Variants in ADGRB3 observed in about 807,000 individuals in gnomAD.
ADGRB3 encodes brain-specific angiogenesis inhibitor 3.
In ADGRB3, 37 loss-of-function variants were observed where a neutral mutation model predicts 193.4. That is an observed-to-expected ratio of 0.19 (90% confidence interval 0.15 to 0.25). The LOEUF (loss-of-function observed/expected upper bound fraction) is 0.25. Among genes scored for constraint, ADGRB3 ranks in the 10% least tolerant of loss-of-function variants. The probability of loss-of-function intolerance (pLI) is 1.00; values close to 1 mark genes in which losing one functional copy is unlikely to be tolerated. For missense variants in ADGRB3, 1,637 were observed against 1,852.9 expected, an observed-to-expected ratio of 0.88 and a Z score of 2.14; for synonymous variants, 690 against 644.2, an observed-to-expected ratio of 1.07 and a Z score of -1.08.
chr6:69,260,703 C>G (rs1208669473), intron 20 of ADGRB3, among the ~76,000 whole-genome samples: 1 of 152,118 alleles, frequency 6.6e-6, no homozygotes, highest in Admixed American at 6.5e-5. Context: ...CCATATAGCT[C>G]TACGATTCCA....
chr6:69,049,433 G>A, intron 15 of ADGRB3, 87 bp downstream of exon 15: 2 of 990,766 alleles, frequency 2.0e-6, no homozygotes, highest in Admixed American at 2.5e-5. Flanking sequence ...AGTCAAACAA[G>A]CTGTGGTAAT....
At chr6:69,277,845 G>C (rs967718589) in intron 20 of ADGRB3, among the ~76,000 whole-genome samples, 2 of 152,112 alleles carry the variant, frequency 1.3e-5, no homozygotes, top group African/African-American at 4.8e-5. Flanking sequence ...AATGATAATA[G>C]TACCCACCTT....
At chr6:68,703,123 T>C (rs1041340890) in intron 3 of ADGRB3, among the ~76,000 whole-genome samples, 2 of 152,174 alleles carry the variant, frequency 1.3e-5, no homozygotes, top group Non-Finnish European at 2.9e-5. Context: ...AGTAGTAAAA[T>C]CAAGGTGATG....
At chr6:69,357,005 T>A (rs1769351207) in intron 28 of ADGRB3, among the ~76,000 whole-genome samples, 1 of 152,096 alleles carries the variant, frequency 6.6e-6, no homozygotes, top group Admixed American at 6.6e-5. Flanking sequence ...ATCTACTTCA[T>A]CTAAATATCC....
At chr6:68,700,995 T>A (rs1221904212) in intron 3 of ADGRB3, among the ~76,000 whole-genome samples, 1 of 152,066 alleles carries the variant, frequency 6.6e-6, no homozygotes, top group Non-Finnish European at 1.5e-5. Context: ...TTTAAAAAAC[T>A]ATAAAAAAAT....
intron 10 of ADGRB3, among the ~76,000 whole-genome samples, chr6:68,975,899 T>C (rs1001123907): frequency 2.6e-5 from 4 of 152,214 alleles, no homozygotes; most frequent in Non-Finnish European, 4.4e-5. Context: ...CATTGACTTA[T>C]TCACAGAGTA....
chr6:68,999,708 C>T (rs1211714572), intron 11 of ADGRB3, among the ~76,000 whole-genome samples: 1 of 152,188 alleles, frequency 6.6e-6, no homozygotes, highest in Non-Finnish European at 1.5e-5. Flanking sequence ...ATCTTGTAAA[C>T]ATCCGTACTA....
In ADGRB3 at chr6:68,639,022, A is replaced by G; in HGVS notation, c.347A>G (p.Asn116Ser). The G allele has an allele frequency of 6.2e-7, 1 of 1,613,392 alleles. No individual in the cohort carries two copies. ...ATAATGCAACTCTGCAATTCCAAGA[A>G]TGCTTTCGTTTTTCTACAGTATGAT... ...HSIMQLCNSKNAFVFLQYDKN... is the reference protein window; with the variant it reads ...HSIMQLCNSKSAFVFLQYDKN... The change falls in exon 3 of 32, where the codon AAT becomes AGT. Residue 116 changes from asparagine to serine, a missense_variant. Around this residue, in one of 7 missense-constraint regions of ADGRB3, gnomAD observed 365 missense variants for 409.8 expected, o/e 0.89. Transcript: ENST00000370598.
chr6:68,897,591 ATAG>A, intron 3 of ADGRB3, among the ~76,000 whole-genome samples: 2 of 58,658 alleles, frequency 3.4e-5, no homozygotes, highest in Non-Finnish European at 7.0e-5. Flanking sequence ...GAAGGGAGGG[ATAG>A]GGGAGGGCAG....
At chr6:68,647,075 T>A (rs1768233691) in intron 3 of ADGRB3, among the ~76,000 whole-genome samples, 1 of 152,202 alleles carries the variant, frequency 6.6e-6, no homozygotes, top group South Asian at 2.1e-4. Flanking sequence ...AAGAATACTG[T>A]TAATAATGAA....
intron 3 of ADGRB3, among the ~76,000 whole-genome samples, chr6:68,676,844 A>C (rs1769104436): frequency 6.6e-6 from 1 of 152,204 alleles, no homozygotes; most frequent in African/African-American, 2.4e-5. Context: ...ACCTGCAGTT[A>C]AACGAAAGTG....
At chr6:68,990,791 G>A (rs1185361059) in intron 10 of ADGRB3, among the ~76,000 whole-genome samples, 7 of 152,138 alleles carry the variant, frequency 4.6e-5, no homozygotes, top group African/African-American at 1.7e-4. Flanking sequence ...AGAAAGGGCT[G>A]ATTTGAGGCA....
At chr6:68,685,741 A>T (rs938665753) in intron 3 of ADGRB3, among the ~76,000 whole-genome samples, 31 of 152,102 alleles carry the variant, frequency 2.0e-4, no homozygotes, top group African/African-American at 7.0e-4. Context: ...AGAAAAAAAA[A>T]AATTAGCCGG....
chr6:69,176,233 T>A (rs1405668166), intron 17 of ADGRB3, among the ~76,000 whole-genome samples: 3 of 152,234 alleles, frequency 2.0e-5, no homozygotes, highest in Non-Finnish European at 4.4e-5. Context: ...AGAAGGATGC[T>A]TCTACATTCT....
intron 3 of ADGRB3, among the ~76,000 whole-genome samples, chr6:68,778,693 G>C (rs1482902322): frequency 6.6e-6 from 1 of 152,006 alleles, no homozygotes; most frequent in Non-Finnish European, 1.5e-5. Context: ...GAGCCAACCT[G>C]CGTGTTTGTC....
intron 3 of ADGRB3, among the ~76,000 whole-genome samples, chr6:68,736,181 TAAA>T (rs35091867): frequency 2.1e-5 from 3 of 145,906 alleles, no homozygotes; most frequent in Admixed American, 6.8e-5. Context: ...ACTGGCTAAT[TAAA>T]AAAAAAAAAA....
intron 17 of ADGRB3, among the ~76,000 whole-genome samples, chr6:69,211,153 G>C (rs1415751226): frequency 1.3e-5 from 2 of 152,030 alleles, no homozygotes; most frequent in Non-Finnish European, 2.9e-5. Flanking sequence ...AGCAGAAGTT[G>C]TGTATGTGAC....
chr6:68,834,059 C>T (rs926791398), intron 3 of ADGRB3, among the ~76,000 whole-genome samples: 2 of 132,388 alleles, frequency 1.5e-5, no homozygotes, highest in Admixed American at 1.5e-4. Flanking sequence ...AAACATGAAT[C>T]TGATAATCTG....
At chr6:69,316,835 G>A (rs1768322945) in intron 20 of ADGRB3, among the ~76,000 whole-genome samples, 1 of 151,502 alleles carries the variant, frequency 6.6e-6, no homozygotes, top group Non-Finnish European at 1.5e-5. Flanking sequence ...ATAAACCAAT[G>A]AGAACCAGTG....
Sources: allele counts gnomAD v4.1 joint callset (sites outside exome capture counted in the v4.1 genomes callset), GRCh38; gene constraint gnomAD v4.1.1; regional missense constraint gnomAD v4.1.1; transcripts MANE v1.5; gene names NCBI Gene and HGNC (gene_info 2026-07-23, HGNC 2026-07-21).